The following EHBP1 variants were observed in gnomAD, a reference collection of about 807,000 sequenced individuals.
EHBP1 encodes EH domain-binding protein 1.
A neutral mutation model predicts 144.0 loss-of-function variants in EHBP1; 55 were observed. The ratio of observed to expected loss-of-function variants is 0.38; its 90% CI spans 0.31 to 0.48. The LOEUF (loss-of-function observed/expected upper bound fraction) is 0.48. EHBP1 is among the 20% of genes least tolerant of loss of function. The probability of loss-of-function intolerance (pLI) is 0.98; values close to 1 mark genes in which losing one functional copy is unlikely to be tolerated. For missense variants in EHBP1, 1,200 were observed against 1,364.2 expected, an observed-to-expected ratio of 0.88 and a Z score of 1.90; for synonymous variants, 469 against 472.7, an observed-to-expected ratio of 0.99 and a Z score of 0.10.
intron 14 of EHBP1, among the ~76,000 whole-genome samples, chr2:62,977,358 G>A (rs568831087): frequency 1.4e-4 from 22 of 151,940 alleles, no homozygotes; most frequent in Admixed American, 7.9e-4. Flanking sequence ...ATATTTCCCC[G>A]TATACTTTCT....
At chr2:62,966,593 A>G (rs2058258367) in intron 14 of EHBP1, among the ~76,000 whole-genome samples, 1 of 152,192 alleles carries the variant, frequency 6.6e-6, no homozygotes, top group East Asian at 1.9e-4. Flanking sequence ...GAAAATCAGT[A>G]AATTTTAAAT....
chr2:62,914,163 T>C (rs2054432201), intron 10 of EHBP1, among the ~76,000 whole-genome samples: 2 of 152,190 alleles, frequency 1.3e-5, no homozygotes, highest in African/African-American at 2.4e-5. Flanking sequence ...TCATTATTTC[T>C]GAAATTATAG....
chr2:63,015,423 G>A lies in EHBP1; in HGVS notation c.3103+18657G>A, dbSNP rs550716774. On this transcript the variant is annotated intron_variant, in intron 19 of 22. Coordinates refer to ENST00000431489, the MANE Select transcript of EHBP1 (RefSeq NM_001142616.3). ...TTAGTGTGCTATTTCTATGTTCCTC[G>A]TAAGTATGGATTATATGGGAATTAG... 9.9e-5 allele frequency among the ~76,000 whole-genome samples: 15 copies of A among 152,122 alleles called. No individual in the cohort carries two copies. In the South Asian group the frequency reaches 1.0e-3, roughly 11 times the overall value.
chr2:63,046,146 G>A lies in EHBP1; in HGVS notation c.*646G>A, dbSNP rs2153385995. The A allele has an allele frequency of 6.5e-6, 1 of 152,762 alleles. No individual in the cohort carries two copies. The allele number at this position is 152,762 out of a possible 1,614,324, so 9.5% of individuals were successfully genotyped here. On this transcript the variant is annotated 3_prime_UTR_variant, in exon 23 of 23. Transcript: ENST00000431489. ...TAACATAGCCAGAAACAAGCCCTGTGGTTTGAAGGTGAGCTGTGAGGATGG... is the reference window on the plus strand; with the variant it reads ...TAACATAGCCAGAAACAAGCCCTGTAGTTTGAAGGTGAGCTGTGAGGATGG...
At chr2:62,732,684 G>A (rs2152042836) in intron 2 of EHBP1, among the ~76,000 whole-genome samples, 1 of 152,148 alleles carries the variant, frequency 6.6e-6, no homozygotes, top group East Asian at 1.9e-4. Flanking sequence ...CATGCTTCCT[G>A]TAAAGCCTGT....
chr2:62,781,682 G>T (rs563849875), intron 5 of EHBP1, among the ~76,000 whole-genome samples: 1 of 152,110 alleles, frequency 6.6e-6, no homozygotes, highest in Admixed American at 6.6e-5. Flanking sequence ...ACAGCATGTC[G>T]TTCACTAGAT....
chr2:62,940,004 C>T (rs1456119974), intron 10 of EHBP1: 1 of 322,130 alleles, frequency 3.1e-6, no homozygotes, highest in African/African-American at 2.2e-5. Context: ...TTCCCCTAAC[C>T]AGCTGCAGTA....
intron 5 of EHBP1, among the ~76,000 whole-genome samples, chr2:62,775,133 C>T (rs905081762): frequency 9.2e-5 from 14 of 151,998 alleles, no homozygotes; most frequent in Admixed American, 8.5e-4. Context: ...TTGGGGTATG[C>T]TTGTCAAATT....
chr2:63,019,248 G>A (rs1341392832), intron 19 of EHBP1, among the ~76,000 whole-genome samples: 1 of 152,190 alleles, frequency 6.6e-6, no homozygotes, highest in Non-Finnish European at 1.5e-5. Context: ...CCACATTTGA[G>A]AAACACAGAG....
chr2:62,983,438 GTATAT>G (rs1246164797), intron 15 of EHBP1, among the ~76,000 whole-genome samples: 1 of 151,856 alleles, frequency 6.6e-6, no homozygotes, highest in African/African-American at 2.4e-5. Context: ...ATATTATAAA[GTATAT>G]TATATATGAT....
chr2:62,738,228 G>A (rs946029452), intron 2 of EHBP1, among the ~76,000 whole-genome samples: 3 of 152,078 alleles, frequency 2.0e-5, no homozygotes, highest in Non-Finnish European at 4.4e-5. Flanking sequence ...CCTCCCTGAA[G>A]CATACTTACC....
intron 10 of EHBP1, among the ~76,000 whole-genome samples, chr2:62,893,225 G>T (rs2152920700): frequency 6.6e-6 from 1 of 152,206 alleles, no homozygotes; most frequent in South Asian, 2.1e-4. Context: ...ATATTATATA[G>T]TTCAAAACAA....
chr2:62,896,287 A>G (rs558955127), intron 10 of EHBP1, among the ~76,000 whole-genome samples: 29 of 152,318 alleles, frequency 1.9e-4, no homozygotes, highest in African/African-American at 6.0e-4. Flanking sequence ...AAAAAAGGCT[A>G]TGTAACTGGA....
At chr2:62,884,176 A>G (rs1471054691) in intron 10 of EHBP1, among the ~76,000 whole-genome samples, 2 of 152,240 alleles carry the variant, frequency 1.3e-5, no homozygotes, top group Admixed American at 6.5e-5. Context: ...CTGAGAAGAA[A>G]GGTCTTGGTA....
chr2:62,886,513 A>AT (rs142098126), intron 10 of EHBP1, among the ~76,000 whole-genome samples: 20,768 of 149,772 alleles, frequency 0.14, 1,813 homozygotes, highest in Non-Finnish European at 0.19. Context: ...ATTGGTTAGT[A>AT]TTTTTTTTTT....
At chr2:62,894,300 C>T (rs182947672) in intron 10 of EHBP1, among the ~76,000 whole-genome samples, 232 of 152,144 alleles carry the variant, frequency 1.5e-3, no homozygotes, top group Middle Eastern at 6.8e-3. Flanking sequence ...AGCTAGTGTG[C>T]CATAAGAGCA....
At chr2:62,774,186 C>CA (rs1475220431) in intron 5 of EHBP1, among the ~76,000 whole-genome samples, 1 of 152,012 alleles carries the variant, frequency 6.6e-6, no homozygotes, top group Admixed American at 6.5e-5. Flanking sequence ...TTCTGGCCAA[C>CA]ATGGTGAAAC....
intron 14 of EHBP1, among the ~76,000 whole-genome samples, chr2:62,957,641 C>CTTTTTTTTT (rs1157397512): frequency 0.01 from 899 of 87,172 alleles, 173 homozygotes; most frequent in African/African-American, 0.036. Context: ...AAAATAAATG[C>CTTTTTTTTT]TTTTTTTTTT....
At chr2:62,976,073 A>T (rs943485162) in intron 14 of EHBP1, among the ~76,000 whole-genome samples, 7 of 152,338 alleles carry the variant, frequency 4.6e-5, no homozygotes, top group African/African-American at 1.7e-4. Flanking sequence ...CTTAAATGGT[A>T]ACAAATGAGT....
Sources: gnomAD v4.1 joint callset for allele counts (sites outside exome capture counted in the v4.1 genomes callset) on GRCh38, gnomAD v4.1.1 for gene constraint, MANE v1.5 for transcripts, NCBI Gene and HGNC (gene_info 2026-07-23, HGNC 2026-07-21) for gene names.